Variants in ABCG1 observed in about 807,000 individuals in gnomAD.
ABCG1 encodes the protein ATP binding cassette subfamily G member 1, also known as ATP-binding cassette sub-family G member 1.
Under a neutral mutation model 69.2 loss-of-function variants are expected in ABCG1, and 29 were observed. The observed-to-expected ratio is 0.42, with a 90% CI of 0.31 to 0.57. ABCG1 has a LOEUF of 0.57. Ranked by LOEUF, ABCG1 falls within the 20% of genes least tolerant of loss-of-function variation. ABCG1 has a pLI of 0.15. For missense variants in ABCG1, 718 were observed against 898.1 expected, an observed-to-expected ratio of 0.80 and a Z score of 2.56; for synonymous variants, 370 against 374.8, an observed-to-expected ratio of 0.99 and a Z score of 0.15.
At chr21:42,262,515 G>A (rs1480463655) in intron 2 of ABCG1, among the ~76,000 whole-genome samples, 3 of 152,196 alleles carry the variant, frequency 2.0e-5, no homozygotes, top group Non-Finnish European at 2.9e-5. Context: ...GGAAAGGCTT[G>A]AAATTCCTTC....
chr21:42,201,956 TG>T (rs769018382), intron 2 of ABCG1, among the ~76,000 whole-genome samples: 1 of 152,212 alleles, frequency 6.6e-6, no homozygotes, highest in Non-Finnish European at 1.5e-5. Flanking sequence ...TGCCCCACCC[TG>T]GGGACTTGAA....
At chr21:42,269,432 A>T (rs1042833558) in intron 2 of ABCG1, among the ~76,000 whole-genome samples, 1 of 152,138 alleles carries the variant, frequency 6.6e-6, no homozygotes, top group Non-Finnish European at 1.5e-5. Flanking sequence ...AGCCCCGCTA[A>T]TCTGTGTAGG....
At chr21:42,225,232 C>T (rs572116521) in intron 1 of ABCG1, among the ~76,000 whole-genome samples, 3 of 152,218 alleles carry the variant, frequency 2.0e-5, no homozygotes, top group South Asian at 2.1e-4. Flanking sequence ...TGAGATTACG[C>T]GAGAAAGGCA....
intron 2 of ABCG1, among the ~76,000 whole-genome samples, chr21:42,227,983 C>T (rs1001177390): frequency 3.3e-5 from 5 of 152,218 alleles, no homozygotes; most frequent in Admixed American, 3.3e-4. Context: ...TCCCTTGACA[C>T]GTGGGGATTA....
At position 42,291,029 on chromosome 21, in the gene ABCG1, G is replaced by C. The variant is rs1313876590; in HGVS notation, c.1394-63G>C. On this transcript the variant is annotated intron_variant, in intron 11 of 14. Coordinates refer to ENST00000398449, the MANE Select transcript of ABCG1 (RefSeq NM_016818.3). The surrounding 1 kb of genome is among the most constrained non-coding windows in gnomAD (Gnocchi z 6.4). ...CGCTCAGCTCAAGATCGCCTGTTGG[G>C]ATGTTAAACGGGCTCGCTGCACATG... 8.0e-6 allele frequency: 10 copies of C among 1,248,378 alleles called. No homozygotes were observed. The East Asian group carries it at 2.3e-4, about 29-fold the overall frequency. 77.3% of individuals were successfully genotyped at this position (1,248,378 alleles called of 1,614,324 possible).
intron 3 of ABCG1, among the ~76,000 whole-genome samples, chr21:42,272,219 G>T (rs1214725347): frequency 6.6e-6 from 1 of 152,238 alleles, no homozygotes; most frequent in Non-Finnish European, 1.5e-5. Context: ...ACATCTAAAG[G>T]TTGAAGTTGA....
intron 5 of ABCG1, among the ~76,000 whole-genome samples, chr21:42,280,713 G>T (rs115822569): frequency 6.6e-6 from 1 of 152,206 alleles, no homozygotes; most frequent in Admixed American, 6.5e-5. Flanking sequence ...CATCCCCTCC[G>T]TGAGGGTGGA....
intron 2 of ABCG1, among the ~76,000 whole-genome samples, chr21:42,269,401 T>C (rs973574196): frequency 6.6e-6 from 1 of 152,182 alleles, no homozygotes; most frequent in Non-Finnish European, 1.5e-5. Context: ...GGGCTATTCT[T>C]GGGGTTCCCG....
At position 42,290,045 on chromosome 21, in the gene ABCG1, C is replaced by T. The variant is rs548031430; in HGVS notation, c.1225-5C>T. 12 of 1,614,182 alleles carry T rather than the reference C, an allele frequency of 7.4e-6. No individual in the cohort carries two copies. The East Asian group carries it at 2.2e-4, about 30-fold the overall frequency. On this transcript the variant is annotated splice_region_variant and splice_polypyrimidine_tract_variant and intron_variant, in intron 10 of 14. Transcript: ENST00000398449. ...GCACTGGGTAAGATGCGGGTCTGTC[C>T]CCAGGTCCTGACACACCTGCGCATC...
Position 42,273,245 on chromosome 21 carries a change from G to A in ABCG1, c.405-58G>A. The stretch of plus-strand genomic sequence containing the variant: ...TCTCTGGCTCCCCTCTCCTGCCCCG[G>A]GAGGTGGAGGAGGAGCAGGAGCCCG... On this transcript the variant is annotated intron_variant, in intron 3 of 14. Transcript: ENST00000398449. This position sits in a 1 kb window ranked among gnomAD's most constrained non-coding sequence, Gnocchi z 5.3. The A allele has an allele frequency of 6.4e-7, 1 of 1,572,620 alleles. No homozygotes were observed.
chr21:42,272,509 T>A (rs2068633820), intron 3 of ABCG1, among the ~76,000 whole-genome samples: 1 of 152,244 alleles, frequency 6.6e-6, no homozygotes, highest in Admixed American at 6.5e-5. Flanking sequence ...TTCATTAGTC[T>A]CCGTAGATTC....
intron 2 of ABCG1, among the ~76,000 whole-genome samples, chr21:42,247,269 C>T (rs2068147497): frequency 6.6e-6 from 1 of 152,142 alleles, no homozygotes; most frequent in Non-Finnish European, 1.5e-5. Context: ...GTAAAGATAG[C>T]ATGTCCCTCA....
chr21:42,293,126 C>CA (rs2069112929), intron 13 of ABCG1, among the ~76,000 whole-genome samples: 1 of 132,598 alleles, frequency 7.5e-6, no homozygotes, highest in Non-Finnish European at 1.6e-5. Flanking sequence ...ACTACACACA[C>CA]CACACACTAC....
At chr21:42,281,949 C>T (rs551650624) in intron 5 of ABCG1, among the ~76,000 whole-genome samples, 45 of 152,366 alleles carry the variant, frequency 3.0e-4, no homozygotes, top group Non-Finnish European at 5.7e-4. Context: ...CAGTGAGGAA[C>T]GTGCCCTGGG....
intron 1 of ABCG1, among the ~76,000 whole-genome samples, chr21:42,221,925 G>A (rs2067734416): frequency 6.6e-6 from 1 of 152,140 alleles, no homozygotes. Context: ...ATCTCTATCT[G>A]CCCAGGATTC....
intron 1 of ABCG1, among the ~76,000 whole-genome samples, chr21:42,223,332 G>T (rs986623332): frequency 6.6e-6 from 1 of 152,096 alleles, no homozygotes; most frequent in Admixed American, 6.5e-5. Flanking sequence ...TTCGTCCTGC[G>T]TCTCCCCATC....
rs575664652 is a variant in ABCG1, at chr21:42,243,858, G to A, written c.286+17944G>A. 6.4e-3 allele frequency among the ~76,000 whole-genome samples: 752 copies of A among 117,812 alleles called. 6 individuals are homozygous for A. The highest frequency in any genetic ancestry group is 8.8e-3 in the Non-Finnish European group (548 of 62,494). The allele number at this position is 117,812 out of a possible 152,430, so 77.3% of individuals were successfully genotyped here. A position where few individuals can be genotyped will look rare whatever the true frequency, so the allele number is the denominator to read the frequency against. On this transcript the variant is annotated intron_variant, in intron 2 of 14. Coordinates refer to ENST00000398449, the MANE Select transcript of ABCG1 (RefSeq NM_016818.3). ...TTTTGAGACGGAGTCTCACTCTGTC[G>A]CCCAGGCTGGAGTGCAGTGGTGCGA...
In ABCG1 at chr21:42,259,918, C is replaced by T. The variant is rs2068376182; in HGVS notation, c.287-11152C>T. The T allele has an allele frequency of 1.3e-5, 19 of 1,461,690 alleles. No homozygotes were observed. In the South Asian group the frequency reaches 2.8e-4, roughly 21 times the overall value. The allele number at this position is 1,461,690 out of a possible 1,614,324, so 90.5% of individuals were successfully genotyped here. A position where few individuals can be genotyped will look rare whatever the true frequency, so the allele number is the denominator to read the frequency against. ...AGAAGGCCCCCAGGCTTGAGCGGCC[C>T]TGAAGCTCAGCAGCTGTGGGTTGGA... is the stretch of plus-strand genomic sequence containing the variant. On this transcript the variant is annotated intron_variant, in intron 2 of 14. Transcript: ENST00000398449.
intron 6 of ABCG1, among the ~76,000 whole-genome samples, chr21:42,284,358 A>G (rs1218716050): frequency 6.6e-6 from 1 of 152,032 alleles, no homozygotes; most frequent in Non-Finnish European, 1.5e-5. Context: ...ATAAAATGCA[A>G]CATGCAAAGC....
Sources: allele counts gnomAD v4.1 joint callset (sites outside exome capture counted in the v4.1 genomes callset), GRCh38; gene constraint gnomAD v4.1.1; non-coding constraint Gnocchi (gnomAD v3.1); transcripts MANE v1.5; gene names NCBI Gene and HGNC (gene_info 2026-07-23, HGNC 2026-07-21).